HCN3: variants seen among roughly 807,000 people sequenced by gnomAD.
HCN3 encodes the protein potassium/sodium hyperpolarization-activated cyclic nucleotide-gated channel 3.
In HCN3, 36 loss-of-function variants were observed where a neutral mutation model predicts 56.8. The observed-to-expected ratio is 0.63, with a 90% CI of 0.49 to 0.84. HCN3 has a LOEUF of 0.84. Among genes scored for constraint, HCN3 ranks in the 40% least tolerant of loss-of-function variants. HCN3 has a pLI of 0.00. For missense variants in HCN3, 930 were observed against 1,079.3 expected (o/e 0.86, Z 1.94); for synonymous variants, 425 against 439.7 (o/e 0.97, Z 0.42).
intron 6 of HCN3, among the ~76,000 whole-genome samples, chr1:155,286,600 G>A (rs570569291): frequency 2.6e-5 from 4 of 152,194 alleles, no homozygotes; most frequent in Admixed American, 6.5e-5. Flanking sequence ...CTGTCCTGGA[G>A]CATAAGCTTT....
chr1:155,283,447 G>A (rs1446403602), intron 2 of HCN3, among the ~76,000 whole-genome samples: 1 of 151,664 alleles, frequency 6.6e-6, no homozygotes. Context: ...GGGTACATGT[G>A]CACATTGTGC....
chr1:155,282,642 C>T lies in HCN3; in HGVS notation c.510C>T (p.Arg170=), dbSNP rs199850038. The T allele has an allele frequency of 6.2e-7, 1 of 1,614,256 alleles. No homozygotes were observed. ...GGGCCATCCGCACGCGCTACCTGCG[C>T]ACCTGGTTCCTGGTTGACCTCATCT... ...APRAIRTRYL[R]TWFLVDLISS... The change falls in exon 2 of 8, where the codon CGC becomes CGT. Residue 170 remains arginine, a synonymous_variant. Coordinates refer to ENST00000368358, the MANE Select transcript of HCN3 (RefSeq NM_020897.3). The surrounding 1 kb of genome is among the most constrained non-coding windows in gnomAD (Gnocchi z 4.7).
rs766304944 is a variant in HCN3 at position 155,285,847 on chromosome 1, C to T, written c.1360C>T (p.Leu454Phe). 2 of 1,614,236 alleles carry T rather than the reference C, an allele frequency of 1.2e-6. No homozygotes were observed. The highest frequency in any genetic ancestry group is 1.7e-6 in the Non-Finnish European group (2 of 1,180,040). ...CTTTGAGGTCTTCCAGCCGGGGGAT[C>T]TCGTGGTGCGTGAGGGCTCCGTGGG... is the stretch of plus-strand genomic sequence containing the variant. ...LRFEVFQPGD[L>F]VVREGSVGRK... The change falls in exon 6 of 8, where the codon CTC becomes TTC. Residue 454 changes from leucine (L) to phenylalanine (F), a missense_variant. Coordinates refer to ENST00000368358, the MANE Select transcript of HCN3 (RefSeq NM_020897.3). This position sits in a 1 kb window ranked among gnomAD's most constrained non-coding sequence, Gnocchi z 4.5.
At chr1:155,286,876 A>G (rs1259448460) in intron 6 of HCN3, among the ~76,000 whole-genome samples, 1 of 151,690 alleles carries the variant, frequency 6.6e-6, no homozygotes, top group African/African-American at 2.4e-5. Flanking sequence ...GAGGGGTGGG[A>G]GTTAAAGTGG....
At position 155,285,548 on chromosome 1, in the gene HCN3, G is replaced by A. The variant is rs1674247067; in HGVS notation, c.1237-176G>A. Among the ~76,000 whole-genome samples the A allele has an allele frequency of 6.6e-6, 1 of 152,202 alleles. No homozygotes were observed. On this transcript the variant is annotated intron_variant, in intron 5 of 7. Coordinates refer to ENST00000368358, the MANE Select transcript of HCN3 (RefSeq NM_020897.3). This position sits in a 1 kb window ranked among gnomAD's most constrained non-coding sequence, Gnocchi z 4.5. ...TGTTTTTGGGGGATGGTCCTGCAAG[G>A]GCTCATGGGAAAGATCTGAAGGCAG... is the stretch of plus-strand genomic sequence containing the variant.
chr1:155,280,738 A>ATTTTTTT lies in HCN3; in HGVS notation c.279-1646_279-1640dup, dbSNP rs34480594. Among the ~76,000 whole-genome samples the ATTTTTTT allele has an allele frequency of 4.1e-4, 14 of 34,566 alleles. 1 individual carries two copies. Among genetic ancestry groups the ATTTTTTT allele is most frequent in the East Asian group, 1.3e-3 (1 of 790 alleles). The allele number at this position is 34,566 out of a possible 152,430, so 22.7% of individuals were successfully genotyped here. A position where few individuals can be genotyped will look rare whatever the true frequency, so the allele number is the denominator to read the frequency against. Reference sequence around the variant, plus strand: ...CAGGCGTGAGCCACCACGCCCAGCTATTTTTTTTTTTTTTTTTTTTTTTTT... The same window carrying ATTTTTTT: ...CAGGCGTGAGCCACCACGCCCAGCTATTTTTTTTTTTTTTTTTTTTTTTTTTTTTTTT... On this transcript the variant is annotated intron_variant, in intron 1 of 7. Coordinates refer to ENST00000368358, the MANE Select transcript of HCN3 (RefSeq NM_020897.3).
chr1:155,278,014 G>T, intron 1 of HCN3, 146 bp downstream of exon 1: 1 of 1,051,756 alleles, frequency 9.5e-7, no homozygotes. Flanking sequence ...ACTTGCACCA[G>T]TCTAGCCTGG....
In HCN3 at chr1:155,288,688, G is replaced by A. The variant is rs548726865; in HGVS notation, c.*225G>A. 3 of 578,446 alleles carry A rather than the reference G, an allele frequency of 5.2e-6. No homozygotes were observed. The highest frequency in any genetic ancestry group is 8.8e-6 in the Non-Finnish European group (3 of 341,210). The allele number at this position is 578,446 out of a possible 1,614,324, so 35.8% of individuals were successfully genotyped here. ...CATTCACCCGTTCATCATGTGTACT[G>A]AGCAGCTACCATGTTCAAGGTAATA... On this transcript the variant is annotated 3_prime_UTR_variant, in exon 8 of 8. Transcript: ENST00000368358. This position sits in a 1 kb window ranked among gnomAD's most constrained non-coding sequence, Gnocchi z 6.5.
Position 155,282,791 on chromosome 1 carries a change from G to A in HCN3, c.659G>A (p.Arg220Lys). ...VRFTKILSLL[R>K]LLRLSRLIRY... Reference sequence around the variant, plus strand: ...TTCACCAAGATCCTAAGCCTGCTGAGGCTGCTCCGCCTCTCCCGCCTCATC... The same window carrying A: ...TTCACCAAGATCCTAAGCCTGCTGAAGCTGCTCCGCCTCTCCCGCCTCATC... Residue 220 changes from arginine to lysine, a missense_variant, in exon 2 of 8, where the codon AGG (arginine) becomes AAG (lysine). By Grantham distance (26) the Arg-to-Lys change is conservative. Transcript: ENST00000368358. The surrounding 1 kb of genome is among the most constrained non-coding windows in gnomAD (Gnocchi z 4.7). 6.2e-7 allele frequency: 1 copy of A among 1,613,156 alleles called. No individual in the cohort carries two copies.
chr1:155,283,523 A>C (rs1321193233), intron 2 of HCN3, among the ~76,000 whole-genome samples: 1 of 150,944 alleles, frequency 6.6e-6, no homozygotes. Flanking sequence ...GTCACCTAGC[A>C]TTAGGTATAT....
chr1:155,283,523 A>G (rs1321193233), intron 2 of HCN3, among the ~76,000 whole-genome samples: 3 of 150,944 alleles, frequency 2.0e-5, no homozygotes, highest in East Asian at 3.9e-4. Context: ...GTCACCTAGC[A>G]TTAGGTATAT....
At chr1:155,287,121 G>A (rs1674314978) in intron 6 of HCN3, 52 bp from the exon 7 acceptor site, 1 of 1,597,036 alleles carries the variant, frequency 6.3e-7, no homozygotes. Flanking sequence ...CTCAGCAAGA[G>A]GAGTTCTGGG....
At chr1:155,279,127 C>T (rs1454896259) in intron 1 of HCN3, among the ~76,000 whole-genome samples, 1 of 152,170 alleles carries the variant, frequency 6.6e-6, no homozygotes, top group Non-Finnish European at 1.5e-5. Context: ...GAGGCCCGGA[C>T]TTGAGGAAGT....
chr1:155,277,941 C>G (rs1345590883), intron 1 of HCN3, 73 bp downstream of exon 1: 6 of 1,517,564 alleles, frequency 4.0e-6, no homozygotes, highest in African/African-American at 1.4e-5. Context: ...GGGACCCGGC[C>G]CGCCCCACCC....
In HCN3 at chr1:155,277,833, G is replaced by A. The variant is rs551965607; in HGVS notation, c.243G>A (p.Ala81=). ...VEIEQERVKS[A]GAWIIHPYSD... ...TCGAGCAGGAGCGGGTGAAGTCAGC[G>A]GGGGCCTGGATCATCCACCCCTACA... is the stretch of plus-strand genomic sequence containing the variant. Residue 81 remains alanine, a synonymous_variant, in exon 1 of 8, where the codon GCG becomes GCA. Coordinates refer to ENST00000368358, the MANE Select transcript of HCN3 (RefSeq NM_020897.3). The A allele has an allele frequency of 2.5e-6, 4 of 1,612,236 alleles. No individual in the cohort carries two copies. The highest frequency in any genetic ancestry group is 1.7e-5 in the Admixed American group (1 of 60,004).
Position 155,287,265 on chromosome 1 carries a change from G to T in HCN3, c.1570G>T (p.Ala524Ser). Residue 524 changes from alanine (A) to serine (S), a missense_variant, in exon 7 of 8, where the codon GCT (alanine) becomes TCT (serine). Transcript: ENST00000368358. Reference protein sequence around the residue: ...LYSLSVDHFNAVLEEFPMMRR... With the variant: ...LYSLSVDHFNSVLEEFPMMRR... ...CTCACTCAGCGTGGACCATTTCAAT[G>T]CTGTGCTTGAGGAGTTCCCCATGAT... The T allele has an allele frequency of 6.2e-7, 1 of 1,614,038 alleles. No individual in the cohort carries two copies. Among genetic ancestry groups the T allele is most frequent in the East Asian group, 2.2e-5 (1 of 44,884 alleles).
intron 1 of HCN3, among the ~76,000 whole-genome samples, chr1:155,279,547 C>T (rs973775360): frequency 3.3e-5 from 5 of 152,272 alleles, no homozygotes; most frequent in Non-Finnish European, 5.9e-5. Flanking sequence ...GCAGGATAGA[C>T]CACCCCACCC....
chr1:155,287,931 GA>G lies in HCN3; in HGVS notation c.1796del (p.Lys599SerfsTer18). The G allele has an allele frequency of 1.2e-6, 2 of 1,614,078 alleles. No homozygotes were observed. The highest frequency in any genetic ancestry group is 1.7e-6 in the Non-Finnish European group (2 of 1,180,028). ...RAPSTGAQLS[G>X]KPVLWEPLVH... ...CCGAGCACAGGAGCTCAGCTTAGTG[GA>G]AAGCCAGTACTGTGGGAGCCACTGG... On this transcript the variant is annotated frameshift_variant, in exon 8 of 8. Transcript: ENST00000368358. LOFTEE classifies it high-confidence loss of function.
In HCN3 at chr1:155,286,923, G is replaced by A. The variant is rs555670141; in HGVS notation, c.1478-250G>A. Among the ~76,000 whole-genome samples the A allele has an allele frequency of 2.0e-5, 3 of 152,248 alleles. No individual in the cohort carries two copies. The East Asian group carries it at 5.8e-4, about 29-fold the overall frequency. ...TGGGAATTTAGGGCCAGCAAGACCT[G>A]CCTGGTCATCAGCCTTCATATGGAG... On this transcript the variant is annotated intron_variant, in intron 6 of 7. Transcript: ENST00000368358.
Sources: gnomAD v4.1 joint callset for allele counts (sites outside exome capture counted in the v4.1 genomes callset) on GRCh38, gnomAD v4.1.1 for gene constraint, Gnocchi (gnomAD v3.1) non-coding constraint, MANE v1.5 for transcripts, NCBI Gene and HGNC (gene_info 2026-07-23, HGNC 2026-07-21) for gene names.